Variants in CABP1 observed in about 807,000 individuals in gnomAD.
CABP1 encodes the protein calcium binding protein 1, also known as calcium-binding protein 1.
In CABP1, 17 loss-of-function variants were observed where a neutral mutation model predicts 34.3. The ratio of observed to expected loss-of-function variants is 0.50; its 90% CI spans 0.34 to 0.74. CABP1 has a LOEUF of 0.74. Among genes scored for constraint, CABP1 ranks in the 30% least tolerant of loss-of-function variants. The probability of loss-of-function intolerance (pLI) is 0.01; values close to 1 mark genes in which losing one functional copy is unlikely to be tolerated. For missense variants in CABP1, 373 were observed against 511.1 expected (o/e 0.73, Z 2.61); for synonymous variants, 198 against 229.2 (o/e 0.86, Z 1.23).
rs750832291 is a variant in CABP1, at chr12:120,661,112, G to T, written c.981G>T (p.Leu327=). The change falls in exon 5 of 6, where the codon CTG becomes CTT. Residue 327 remains leucine, a synonymous_variant. Coordinates refer to ENST00000316803, the MANE Select transcript of CABP1 (RefSeq NM_001033677.2). This position sits in a 1 kb window ranked among gnomAD's most constrained non-coding sequence, Gnocchi z 5.1. The part of the protein sequence containing the change: ...NGDGEISTSE[L]REAMRKLLGH... ...ATGGGGAAATAAGCACCAGTGAGCT[G>T]CGAGAGGCTATGAGGAAGCTCCTGG... is the stretch of plus-strand genomic sequence containing the variant. 2.5e-6 allele frequency: 4 copies of T among 1,613,922 alleles called. No homozygotes were observed. The highest frequency in any genetic ancestry group is 3.4e-6 in the Non-Finnish European group (4 of 1,179,982).
the CABP1 span, among the ~76,000 whole-genome samples, chr12:120,676,464 G>A: frequency 6.6e-6 from 1 of 151,194 alleles, no homozygotes; most frequent in African/African-American, 2.4e-5. Context: ...TTTTGCTCTT[G>A]TTGCCCAGGC....
the CABP1 span, among the ~76,000 whole-genome samples, chr12:120,675,228 T>C: frequency 1.3e-5 from 2 of 152,108 alleles, no homozygotes; most frequent in African/African-American, 4.8e-5. Context: ...AAATTCTGTA[T>C]TTTTAGTAGA....
rs2137323405 is a variant in CABP1 at position 120,641,407 on chromosome 12, C to T, written c.654+68C>T. The T allele has an allele frequency of 8.1e-7, 1 of 1,236,944 alleles. No homozygotes were observed. 76.6% of individuals were successfully genotyped at this position (1,236,944 alleles called of 1,614,324 possible). ...CGGGACCCTGCCGGCCGCGGTTGCG[C>T]GTCCACAGCCTCCTCCCGCGGCCCG... On this transcript the variant is annotated intron_variant, in intron 1 of 5. Coordinates refer to ENST00000316803, the MANE Select transcript of CABP1 (RefSeq NM_001033677.2). The surrounding 1 kb of genome is among the most constrained non-coding windows in gnomAD (Gnocchi z 6.7).
intron 1 of CABP1, among the ~76,000 whole-genome samples, chr12:120,651,294 GATGTGTTGAGC>G (rs1879832422): frequency 6.6e-6 from 1 of 152,218 alleles, no homozygotes; most frequent in Non-Finnish European, 1.5e-5. Flanking sequence ...CTGCCCGGGT[GATGTGTTGAGC>G]AGGGGTTGCA....
At chr12:120,655,830 CGTGTGT>C (rs746144300) in intron 1 of CABP1, 57 of 879,648 alleles carry the variant, frequency 6.5e-5, no homozygotes, top group Middle Eastern at 4.6e-4. Context: ...TGCGTGCGTG[CGTGTGT>C]GTGTGTGTGT....
At chr12:120,655,852 C>T (rs55819450) in intron 1 of CABP1, 100,569 of 1,455,772 alleles carry the variant, frequency 0.069, 2,746 homozygotes, top group East Asian at 0.24. Context: ...TGTGTGTGTG[C>T]GCATGTGCCA....
At chr12:120,659,784 A>C in intron 1 of CABP1, 94 bp from the exon 2 acceptor site, 1 of 1,168,924 alleles carries the variant, frequency 8.6e-7, no homozygotes, top group African/African-American at 1.5e-5. Context: ...CCTCCTACCC[A>C]GTGCCTGCTG....
rs528172254 is a variant in CABP1, at chr12:120,641,245, C to T, written c.560C>T (p.Ala187Val). Residue 187 changes from alanine (A) to valine (V), a missense_variant, in exon 1 of 6, where the codon GCC becomes GTC. Ala to Val is a moderately conservative substitution (Grantham distance 64). Transcript: ENST00000316803. This position sits in a 1 kb window ranked among gnomAD's most constrained non-coding sequence, Gnocchi z 6.7. The part of the protein sequence containing the change: ...PALGLRGSLR[A>V]RGRGDSVPAA... The stretch of plus-strand genomic sequence containing the variant: ...CTCGGCCTCCGGGGCTCTCTGCGAG[C>T]CCGGGGCCGCGGGGACTCCGTTCCA... 9.1e-5 allele frequency: 117 copies of T among 1,284,876 alleles called. No homozygotes were observed. The African/African-American group carries it at 1.3e-3, about 15-fold the overall frequency. 79.6% of individuals were successfully genotyped at this position (1,284,876 alleles called of 1,614,324 possible).
chr12:120,652,679 G>C (rs1235862498), intron 1 of CABP1, among the ~76,000 whole-genome samples: 1 of 152,138 alleles, frequency 6.6e-6, no homozygotes, highest in Non-Finnish European at 1.5e-5. Flanking sequence ...CCCGCTCAGC[G>C]CATCAGTCCC....
chr12:120,665,693 C>G (rs555731446), intron 5 of CABP1, among the ~76,000 whole-genome samples: 37 of 149,814 alleles, frequency 2.5e-4, no homozygotes, highest in African/African-American at 8.2e-4. Context: ...ACTTTCTAAT[C>G]CGTTTTGCCA....
rs903399495 is a variant in CABP1 at position 120,641,672 on chromosome 12, CA to C, written c.654+334del. On this transcript the variant is annotated intron_variant, in intron 1 of 5. Transcript: ENST00000316803. This position sits in a 1 kb window ranked among gnomAD's most constrained non-coding sequence, Gnocchi z 6.7. ...GGGGGTCAAGGAGGGGCGCTCCGAG[CA>C]GGTGGCGCCAAACCCACTCCTCTGG... 8.6e-6 allele frequency: 2 copies of C among 232,076 alleles called. No homozygotes were observed. The highest frequency in any genetic ancestry group is 1.7e-5 in the Non-Finnish European group (2 of 120,176). 14.4% of individuals were successfully genotyped at this position (232,076 alleles called of 1,614,324 possible). A position where few individuals can be genotyped will look rare whatever the true frequency, so the allele number is the denominator to read the frequency against.
At chr12:120,655,091 G>A (rs1460733788) in intron 1 of CABP1, among the ~76,000 whole-genome samples, 4 of 152,164 alleles carry the variant, frequency 2.6e-5, no homozygotes, top group Non-Finnish European at 5.9e-5. Flanking sequence ...ATCAGATCTG[G>A]TTACACTGGG....
chr12:120,643,198 ATT>A (rs1349811250), intron 1 of CABP1, among the ~76,000 whole-genome samples: 1 of 146,002 alleles, frequency 6.8e-6, no homozygotes, highest in African/African-American at 2.6e-5. Flanking sequence ...CCCATCAAAT[ATT>A]TACTACCTCC....
rs1268904397 is a variant in CABP1, at chr12:120,641,985, G to C, written c.654+646G>C. ...TCTAGGGATGCCATTGGAAGGGTGA[G>C]AAAGGCCACAAAGAGGTCATCAGTG... On this transcript the variant is annotated intron_variant, in intron 1 of 5. Transcript: ENST00000316803. The surrounding 1 kb of genome is among the most constrained non-coding windows in gnomAD (Gnocchi z 6.7). 2.6e-5 allele frequency among the ~76,000 whole-genome samples: 4 copies of C among 152,148 alleles called. No homozygotes were observed. Among genetic ancestry groups the C allele is most frequent in the Non-Finnish European group, 4.4e-5 (3 of 68,018 alleles).
At chr12:120,670,825 C>T (rs1881227782), downstream of CABP1, among the ~76,000 whole-genome samples, 3 of 152,124 alleles carry the variant, frequency 2.0e-5, no homozygotes, top group South Asian at 6.2e-4. Context: ...CTCATAAAGG[C>T]CAATTTGTCT....
At chr12:120,647,970 G>A (rs1879627427) in intron 1 of CABP1, among the ~76,000 whole-genome samples, 1 of 152,136 alleles carries the variant, frequency 6.6e-6, no homozygotes, top group Non-Finnish European at 1.5e-5. Context: ...AATGCCCAGT[G>A]CCCATTGGAG....
At chr12:120,656,405 A>C in intron 1 of CABP1, 4 of 773,782 alleles carry the variant, frequency 5.2e-6, no homozygotes, top group Non-Finnish European at 5.8e-6. Context: ...TTTTCCACTC[A>C]TGGCTACAAA....
intron 1 of CABP1, among the ~76,000 whole-genome samples, chr12:120,654,752 T>C (rs1151874): frequency 0.77 from 116,501 of 152,192 alleles, 45,169 homozygotes; most frequent in African/African-American, 0.89. Context: ...CCCGGGAGGC[T>C]GGGGAGAACT....
chr12:120,666,935 CA>C lies in CABP1; in HGVS notation c.*38del. ...GGCCCCTCCAGGACTGCCAAGCTCC[CA>C]AAGGCGGGGCTAAGAGGAGCTAGAG... is the stretch of plus-strand genomic sequence containing the variant. On this transcript the variant is annotated 3_prime_UTR_variant, in exon 6 of 6. Coordinates refer to ENST00000316803, the MANE Select transcript of CABP1 (RefSeq NM_001033677.2). The C allele has an allele frequency of 1.3e-6, 2 of 1,591,198 alleles. No homozygotes were observed. The highest frequency in any genetic ancestry group is 1.7e-6 in the Non-Finnish European group (2 of 1,173,878).
Sources: gnomAD v4.1 joint callset for allele counts (sites outside exome capture counted in the v4.1 genomes callset) on GRCh38, gnomAD v4.1.1 for gene constraint, Gnocchi (gnomAD v3.1) non-coding constraint, MANE v1.5 for transcripts, NCBI Gene and HGNC (gene_info 2026-07-23, HGNC 2026-07-21) for gene names.